The following ABCC11 variants were observed in gnomAD, a reference collection of about 807,000 sequenced individuals.
ABCC11 encodes ATP-binding cassette sub-family C member 11.
ABCC11 carries 135 observed loss-of-function variants against 149.3 expected under a neutral mutation model. That is an observed-to-expected ratio of 0.90 (90% confidence interval 0.79 to 1.04). The LOEUF is 1.04. Ranked by LOEUF, ABCC11 falls within the 50% of genes least tolerant of loss-of-function variation. ABCC11 has a pLI of 0.00. For synonymous variants in ABCC11, 665 were observed against 671.4 expected (o/e 0.99, Z 0.15); for missense variants, 1,680 against 1,722.1 (o/e 0.98, Z 0.43).
intron 11 of ABCC11, chr16:48,210,576 G>A (rs1304188909): frequency 5.0e-6 from 1 of 198,360 alleles, no homozygotes; most frequent in Non-Finnish European, 1.0e-5. Context: ...CAGATAAGGT[G>A]AGTTCACAGA....
intron 20 of ABCC11, among the ~76,000 whole-genome samples, chr16:48,191,311 A>C (rs926470118): frequency 1.3e-5 from 2 of 152,202 alleles, no homozygotes; most frequent in African/African-American, 2.4e-5. Context: ...TGAGATGGGC[A>C]GATGGCTTGA....
rs987415947 is a variant in ABCC11, at chr16:48,193,942, C to A, written c.2445G>T (p.Leu815=). The change falls in exon 19 of 30, where the codon CTG becomes CTT. Residue 815 remains leucine (L), a synonymous_variant. Coordinates refer to ENST00000356608, the MANE Select transcript of ABCC11 (RefSeq NM_001370497.1). ...AGCTGAAGATCGTTAAGAAGACGATCAGCACCACGAAGAAGAAAATTATGC... is the reference window on the plus strand; with the variant it reads ...AGCTGAAGATCGTTAAGAAGACGATAAGCACCACGAAGAAGAAAATTATGC... ...VSCIIFFFVV[L]IVFLTIFSFW... The A allele has an allele frequency of 6.2e-7, 1 of 1,614,000 alleles. No individual in the cohort carries two copies. Among genetic ancestry groups the A allele is most frequent in the East Asian group, 2.2e-5 (1 of 44,886 alleles).
Position 48,166,057 on chromosome 16 carries a change from T to C in ABCC11, c.*1217A>G, listed in dbSNP as rs1965324450. 6.6e-6 allele frequency among the ~76,000 whole-genome samples: 1 copy of C among 152,246 alleles called. No individual in the cohort carries two copies. Among genetic ancestry groups the C allele is most frequent in the Admixed American group, 6.5e-5 (1 of 15,288 alleles). On this transcript the variant is annotated 3_prime_UTR_variant, in exon 30 of 30. Coordinates refer to ENST00000356608, the MANE Select transcript of ABCC11 (RefSeq NM_001370497.1). ...TAGTAGACAGCTGCTATCTGGGGCC[T>C]GGCCAGCATCCATATCCATTCTTCC...
chr16:48,196,056 C>T (rs980135863), intron 18 of ABCC11, among the ~76,000 whole-genome samples, 176 bp downstream of exon 18: 2 of 152,118 alleles, frequency 1.3e-5, no homozygotes, highest in Admixed American at 6.5e-5. Flanking sequence ...CCAACCTTGG[C>T]TTTGGTGGTA....
chr16:48,240,101 C>T (rs112433800), intron 1 of ABCC11, among the ~76,000 whole-genome samples: 19,975 of 152,138 alleles, frequency 0.13, 1,626 homozygotes, highest in African/African-American at 0.23. Context: ...TTGACCATTG[C>T]GGAAGACAGT....
chr16:48,220,040 C>T (rs1009706416), intron 6 of ABCC11, among the ~76,000 whole-genome samples: 1 of 151,638 alleles, frequency 6.6e-6, no homozygotes, highest in Non-Finnish European at 1.5e-5. Flanking sequence ...GCCTAGAAAT[C>T]CTTACTTCAG....
At chr16:48,244,462 C>G in intron 1 of ABCC11, 1 of 1,597,038 alleles carries the variant, frequency 6.3e-7, no homozygotes, top group Non-Finnish European at 8.5e-7. Flanking sequence ...GTCCTGCTGC[C>G]CGGCTCCACC....
At chr16:48,205,312 C>G in intron 13 of ABCC11, 101 bp downstream of exon 13, 1 of 1,494,928 alleles carries the variant, frequency 6.7e-7, no homozygotes, top group South Asian at 1.2e-5. Flanking sequence ...TTAAGTGGAG[C>G]ACACAAGTGT....
intron 20 of ABCC11, among the ~76,000 whole-genome samples, chr16:48,188,166 T>C (rs1404114497): frequency 2.0e-5 from 3 of 152,338 alleles, no homozygotes; most frequent in East Asian, 3.9e-4. Context: ...GCACACTGCC[T>C]ACGGGGTAGC....
chr16:48,170,916 G>C lies in ABCC11; in HGVS notation c.3750C>G (p.Ala1250=). 6.2e-7 allele frequency: 1 copy of C among 1,614,060 alleles called. No homozygotes were observed. Among genetic ancestry groups the C allele is most frequent in the Non-Finnish European group, 8.5e-7 (1 of 1,179,906 alleles). Residue 1250 remains alanine, a synonymous_variant, in exon 27 of 30, where the codon GCC becomes GCG. Transcript: ENST00000356608. The part of the protein sequence containing the change: ...DRHTDQQIWD[A]LERTFLTKAI... ...CCTTGGTCAGGAATGTCCTCTCCAA[G>C]GCATCCCAGATCTGCTGGTCAGTGT...
At chr16:48,211,421 T>C (rs73540891) in intron 10 of ABCC11, among the ~76,000 whole-genome samples, 9 of 152,314 alleles carry the variant, frequency 5.9e-5, no homozygotes, top group African/African-American at 1.9e-4. Flanking sequence ...CACTCTTCCA[T>C]ATTTGCAAAC....
At position 48,167,136 on chromosome 16, in the gene ABCC11, A is replaced by ACC; in HGVS notation, c.*136_*137dup. Reference sequence around the variant, plus strand: ...CCAGGGTTTCCATCCAGCAATCCCCACCCCCCCTACATTTACCCCTGCTTC... The same window carrying ACC: ...CCAGGGTTTCCATCCAGCAATCCCCACCCCCCCCCTACATTTACCCCTGCTTC... On this transcript the variant is annotated 3_prime_UTR_variant, in exon 30 of 30. Transcript: ENST00000356608. 1 of 282,790 alleles carries ACC rather than the reference A, an allele frequency of 3.5e-6. No homozygotes were observed. Among genetic ancestry groups the ACC allele is most frequent in the Non-Finnish European group, 7.1e-6 (1 of 141,440 alleles). 17.5% of individuals were successfully genotyped at this position (282,790 alleles called of 1,614,324 possible).
intron 11 of ABCC11, 81 bp from the exon 12 acceptor site, chr16:48,208,577 A>G (rs1968647226): frequency 6.8e-7 from 1 of 1,477,980 alleles, no homozygotes; most frequent in Non-Finnish European, 9.4e-7. Context: ...TCAACTGTTT[A>G]GAACCCAAAA....
chr16:48,200,423 G>C lies in ABCC11; in HGVS notation c.1935C>G (p.Ala645=), dbSNP rs940816084. Residue 645 remains alanine (A), a synonymous_variant, in exon 15 of 30, where the codon GCC becomes GCG. Transcript: ENST00000356608. ...SGGQKQRISL[A]RAVYSDRQIY... ...TCTGACGGTCGGAATAGACGGCGCGGGCCAGGCTGATCCTCTGTTTCTGCC... is the reference window on the plus strand; with the variant it reads ...TCTGACGGTCGGAATAGACGGCGCGCGCCAGGCTGATCCTCTGTTTCTGCC... 1.9e-6 allele frequency: 3 copies of C among 1,614,090 alleles called. No individual in the cohort carries two copies. The highest frequency in any genetic ancestry group is 1.7e-6 in the Non-Finnish European group (2 of 1,180,050).
chr16:48,230,723 G>T (rs980409960), intron 2 of ABCC11, 150 bp from the exon 3 acceptor site: 1 of 940,552 alleles, frequency 1.1e-6, no homozygotes, highest in Non-Finnish European at 1.5e-6. Flanking sequence ...GCAGGGGACC[G>T]AGAGTCAGGG....
At chr16:48,200,875 A>C (rs1248583651) in intron 14 of ABCC11, among the ~76,000 whole-genome samples, 2 of 152,254 alleles carry the variant, frequency 1.3e-5, no homozygotes, top group Admixed American at 1.3e-4. Context: ...ATTTCAGCAG[A>C]GCTAGTAGAT....
intron 9 of ABCC11, among the ~76,000 whole-genome samples, chr16:48,213,918 T>C (rs956822405): frequency 6.6e-6 from 1 of 152,248 alleles, no homozygotes; most frequent in Non-Finnish European, 1.5e-5. Flanking sequence ...CCTTTCAATG[T>C]AGCTTGGTGC....
chr16:48,228,420 C>T (rs962451248), intron 3 of ABCC11, among the ~76,000 whole-genome samples: 2 of 151,858 alleles, frequency 1.3e-5, no homozygotes, highest in African/African-American at 4.8e-5. Context: ...ATTGTGAAAC[C>T]CTGTATCTAC....
intron 11 of ABCC11, 145 bp downstream of exon 11, chr16:48,210,796 TTGCCCTC>T: frequency 9.2e-7 from 1 of 1,085,062 alleles, no homozygotes; most frequent in Non-Finnish European, 1.3e-6. Context: ...TATCCTGTGT[TTGCCCTC>T]CATGAAAAAT....
Sources: allele counts gnomAD v4.1 joint callset (sites outside exome capture counted in the v4.1 genomes callset), GRCh38; gene constraint gnomAD v4.1.1; transcripts MANE v1.5; gene names NCBI Gene and HGNC (gene_info 2026-07-23, HGNC 2026-07-21).